CRTAC1: variants seen among roughly 807,000 people sequenced by gnomAD.
CRTAC1 encodes the protein acidic secreted protein in cartilage.
In CRTAC1, 37 loss-of-function variants were observed where a neutral mutation model predicts 67.8. The ratio of observed to expected loss-of-function variants is 0.55; its 90% confidence interval spans 0.42 to 0.72. The LOEUF (loss-of-function observed/expected upper bound fraction) is 0.72. CRTAC1 is among the 30% of genes least tolerant of loss of function. CRTAC1 has a pLI of 0.00. For missense variants in CRTAC1, 780 were observed against 931.6 expected, an observed-to-expected ratio of 0.84 and a Z score of 2.12; for synonymous variants, 348 against 371.0, an observed-to-expected ratio of 0.94 and a Z score of 0.71.
intron 2 of CRTAC1, among the ~76,000 whole-genome samples, chr10:97,992,596 A>G (rs1034212811): frequency 1.3e-5 from 2 of 152,246 alleles, no homozygotes; most frequent in African/African-American, 4.8e-5. Context: ...CACATAATAA[A>G]GTATTATTTG....
At chr10:97,998,736 T>C (rs1020039586) in intron 2 of CRTAC1, among the ~76,000 whole-genome samples, 6 of 152,180 alleles carry the variant, frequency 3.9e-5, no homozygotes, top group African/African-American at 1.4e-4. Context: ...ACATTGTCTT[T>C]ATACAGTAAC....
At position 97,941,001 on chromosome 10, in the gene CRTAC1, T is replaced by C. The variant is rs541516990; in HGVS notation, c.225-4635A>G. ...CTGCAGGTATATTTCTTTATTCCCA[T>C]GTAAAACCAAACTTCTCTCTCCACT... On this transcript the variant is annotated intron_variant, in intron 2 of 14. Coordinates refer to ENST00000370597, the MANE Select transcript of CRTAC1 (RefSeq NM_018058.7). Among the ~76,000 whole-genome samples the C allele has an allele frequency of 2.0e-5, 3 of 152,266 alleles. No homozygotes were observed. In the South Asian group the frequency reaches 6.2e-4, roughly 32 times the overall value.
intron 7 of CRTAC1, among the ~76,000 whole-genome samples, chr10:97,902,042 G>A (rs546777087): frequency 1.3e-5 from 2 of 152,236 alleles, no homozygotes; most frequent in African/African-American, 2.4e-5. Context: ...TTCTGATTCC[G>A]GACTCTGTGC....
chr10:97,896,904 C>T lies in CRTAC1; in HGVS notation c.1216+5G>A. ...TGCAGGCCAGATCCCCCAGGTGCCC[C>T]TCACCTGTGCCCCGGCCCTCAGGCT... is the stretch of plus-strand genomic sequence containing the variant. On this transcript the variant is annotated splice_donor_5th_base_variant and intron_variant, in intron 9 of 14. Transcript: ENST00000370597. The T allele has an allele frequency of 3.9e-6, 6 of 1,551,840 alleles. No homozygotes were observed. Among genetic ancestry groups the T allele is most frequent in the East Asian group, 2.4e-5 (1 of 41,424 alleles).
Position 97,884,241 on chromosome 10 carries a change from C to T in CRTAC1, c.1597G>A (p.Asp533Asn), listed in dbSNP as rs780516732. The T allele has an allele frequency of 5.1e-6, 8 of 1,568,174 alleles. No homozygotes were observed. In the Admixed American group the frequency reaches 9.2e-5, roughly 18 times the overall value. The change falls in exon 12 of 15, where the codon GAT (aspartate) becomes AAT (asparagine). Residue 533 changes from aspartate (D) to asparagine (N), a missense_variant. Coordinates refer to ENST00000370597, the MANE Select transcript of CRTAC1 (RefSeq NM_018058.7). Reference protein sequence around the residue: ...NSVLEILYPRDEDTLQDPAPL... With the variant: ...NSVLEILYPRNEDTLQDPAPL... ...GCTGGGTCCTGAAGTGTGTCCTCAT[C>T]CCGGGGGTAGAGGATCTCCAGCACT...
chr10:97,948,108 C>CA (rs34814982), intron 2 of CRTAC1, among the ~76,000 whole-genome samples: 9 of 129,732 alleles, frequency 6.9e-5, no homozygotes, highest in Admixed American at 7.6e-5. Context: ...TGAATTATTG[C>CA]AAAAAAAAAA....
At chr10:97,937,029 G>T (rs773681838) in intron 2 of CRTAC1, among the ~76,000 whole-genome samples, 3 of 152,180 alleles carry the variant, frequency 2.0e-5, no homozygotes, top group African/African-American at 4.8e-5. Flanking sequence ...TTAAACAAAA[G>T]GATGAAGTTT....
At chr10:97,889,648 A>G (rs534905600) in intron 11 of CRTAC1, among the ~76,000 whole-genome samples, 1 of 152,226 alleles carries the variant, frequency 6.6e-6, no homozygotes, top group South Asian at 2.1e-4. Flanking sequence ...GACACGATGT[A>G]CATGGGGCAA....
At chr10:98,011,491 C>T (rs1334424105) in intron 1 of CRTAC1, among the ~76,000 whole-genome samples, 154 bp from the exon 2 acceptor site, 3 of 151,868 alleles carry the variant, frequency 2.0e-5, no homozygotes, top group Admixed American at 2.0e-4. Flanking sequence ...GCCCTGCCCT[C>T]CCCTCCCTTG....
intron 2 of CRTAC1, among the ~76,000 whole-genome samples, chr10:97,977,249 C>T (rs2051821987): frequency 6.6e-6 from 1 of 152,194 alleles, no homozygotes; most frequent in South Asian, 2.1e-4. Context: ...TCTGTAAGTC[C>T]TTTGGCAAGC....
At chr10:97,889,878 C>T (rs567456631) in intron 11 of CRTAC1, among the ~76,000 whole-genome samples, 71 of 152,210 alleles carry the variant, frequency 4.7e-4, no homozygotes, top group African/African-American at 1.6e-3. Context: ...CTCAGTCATG[C>T]GGGACCTCAA....
intron 3 of CRTAC1, among the ~76,000 whole-genome samples, chr10:97,927,420 T>C (rs761133816): frequency 2.6e-5 from 4 of 152,210 alleles, no homozygotes; most frequent in Non-Finnish European, 4.4e-5. Context: ...ACCCAGCCTT[T>C]CCCAAATGTT....
At chr10:98,026,295 G>A (rs908517610) in intron 1 of CRTAC1, among the ~76,000 whole-genome samples, 2 of 152,196 alleles carry the variant, frequency 1.3e-5, no homozygotes, top group Non-Finnish European at 2.9e-5. Context: ...CTAAGCCTGT[G>A]TCCTTACCAT....
At chr10:97,913,970 C>T (rs772194498) in intron 5 of CRTAC1, among the ~76,000 whole-genome samples, 1 of 152,228 alleles carries the variant, frequency 6.6e-6, no homozygotes, top group Non-Finnish European at 1.5e-5. Flanking sequence ...TGCTCCCAGC[C>T]AACAGCAAAA....
At chr10:97,907,234 G>A (rs2050625070) in intron 6 of CRTAC1, among the ~76,000 whole-genome samples, 1 of 152,202 alleles carries the variant, frequency 6.6e-6, no homozygotes, top group Non-Finnish European at 1.5e-5. Context: ...AGACGTGCAT[G>A]CCACGGGCAG....
chr10:97,871,994 A>G (rs1014004667), intron 14 of CRTAC1, among the ~76,000 whole-genome samples: 1 of 152,232 alleles, frequency 6.6e-6, no homozygotes, highest in Non-Finnish European at 1.5e-5. Context: ...GGGCAATGTT[A>G]CACACAAGCT....
chr10:97,961,335 T>C (rs930995932), intron 2 of CRTAC1, among the ~76,000 whole-genome samples: 5 of 152,148 alleles, frequency 3.3e-5, no homozygotes, highest in Non-Finnish European at 7.3e-5. Context: ...CCAAGAAGTA[T>C]AACAACACTG....
intron 2 of CRTAC1, among the ~76,000 whole-genome samples, chr10:97,960,076 A>G (rs954914771): frequency 3.3e-5 from 5 of 152,238 alleles, no homozygotes; most frequent in Non-Finnish European, 5.9e-5. Context: ...ATGGATAAAC[A>G]GTTTAGGTAC....
Position 97,948,080 on chromosome 10 carries a change from G to A in CRTAC1, c.225-11714C>T, listed in dbSNP as rs578184317. Among the ~76,000 whole-genome samples the A allele has an allele frequency of 4.0e-4, 58 of 144,210 alleles. 1 individual carries two copies. Among genetic ancestry groups the A allele is most frequent in the African/African-American group, 1.5e-3 (58 of 38,524 alleles). 94.6% of individuals were successfully genotyped at this position (144,210 alleles called of 152,430 possible). On this transcript the variant is annotated intron_variant, in intron 2 of 14. Coordinates refer to ENST00000370597, the MANE Select transcript of CRTAC1 (RefSeq NM_018058.7). ...ATGATAGTGCAGAATAATGGCAATT[G>A]GATTCCATGGCATTCCCTGAATTAT...
Sources: allele counts gnomAD v4.1 joint callset (sites outside exome capture counted in the v4.1 genomes callset), GRCh38; gene constraint gnomAD v4.1.1; transcripts MANE v1.5; gene names NCBI Gene and HGNC (gene_info 2026-07-23, HGNC 2026-07-21).